Variants in KDM4B observed in about 807,000 individuals in gnomAD.
KDM4B encodes the protein lysine-specific demethylase 4B.
Under a neutral mutation model 125.2 loss-of-function variants are expected in KDM4B, and 32 were observed. That is an observed-to-expected ratio of 0.26 (90% CI 0.19 to 0.34). The LOEUF (loss-of-function observed/expected upper bound fraction) is 0.34. KDM4B is among the 10% of genes least tolerant of loss of function. KDM4B has a pLI of 1.00. For synonymous variants in KDM4B, 721 were observed against 677.9 expected (o/e 1.06, Z -0.99); for missense variants, 1,190 against 1,577.7 (o/e 0.75, Z 4.16).
At chr19:5,110,841 C>T (rs776685929) in intron 10 of KDM4B, 23 bp downstream of exon 10, 36 of 1,528,630 alleles carry the variant, frequency 2.4e-5, no homozygotes, top group Admixed American at 8.0e-5. Context: ...GGGACTGCCG[C>T]GTGACTGCCC....
At chr19:5,067,585 G>T (rs2145806606) in intron 6 of KDM4B, among the ~76,000 whole-genome samples, 1 of 151,814 alleles carries the variant, frequency 6.6e-6, no homozygotes, top group East Asian at 1.9e-4. Context: ...AGAGGACAGA[G>T]AGCTGGTGTG....
intron 2 of KDM4B, among the ~76,000 whole-genome samples, chr19:5,027,105 G>T (rs2036303758): frequency 6.6e-6 from 1 of 152,256 alleles, no homozygotes; most frequent in Non-Finnish European, 1.5e-5. Flanking sequence ...CTCCAAGGAA[G>T]GGTGGGCCTG....
At position 5,035,225 on chromosome 19, in the gene KDM4B, C is replaced by T. The variant is rs1015157902; in HGVS notation, c.141+2194C>T. ...GTGCACATAGGGCAGGTGGGACAGG[C>T]GTCGCCTCCCTTTATCCTGGCACCG... On this transcript the variant is annotated intron_variant, in intron 3 of 22. Coordinates refer to ENST00000159111, the MANE Select transcript of KDM4B (RefSeq NM_015015.3). The surrounding 1 kb of genome is among the most constrained non-coding windows in gnomAD (Gnocchi z 5.3). 1.3e-5 allele frequency among the ~76,000 whole-genome samples: 2 copies of T among 152,118 alleles called. No individual in the cohort carries two copies. The highest frequency in any genetic ancestry group is 1.5e-5 in the Non-Finnish European group (1 of 68,020).
At chr19:5,110,977 C>T (rs761195250) in intron 10 of KDM4B, among the ~76,000 whole-genome samples, 159 bp downstream of exon 10, 1 of 152,358 alleles carries the variant, frequency 6.6e-6, no homozygotes, top group East Asian at 1.9e-4. Flanking sequence ...CCTCCTCCTC[C>T]TGTTCTGTTT....
At chr19:5,056,924 A>C (rs2037418144) in intron 6 of KDM4B, among the ~76,000 whole-genome samples, 1 of 151,484 alleles carries the variant, frequency 6.6e-6, no homozygotes. Context: ...TGGGGTGTCT[A>C]GAGCCCTGCC....
Position 5,132,867 on chromosome 19 carries a change from C to T in KDM4B, c.1906+860C>T, listed in dbSNP as rs554082377. The stretch of plus-strand genomic sequence containing the variant: ...GTTCTCATCCCCAGGGCCTCGGGGC[C>T]GCTTAGGGCCTTCCCTGGGCTCCGC... On this transcript the variant is annotated intron_variant, in intron 13 of 22. Coordinates refer to ENST00000159111, the MANE Select transcript of KDM4B (RefSeq NM_015015.3). Among the ~76,000 whole-genome samples the T allele has an allele frequency of 3.3e-5, 5 of 152,316 alleles. No homozygotes were observed. The South Asian group carries it at 6.2e-4, about 19-fold the overall frequency.
intron 2 of KDM4B, among the ~76,000 whole-genome samples, chr19:5,029,533 A>G (rs2036385280): frequency 6.6e-6 from 1 of 152,232 alleles, no homozygotes. Context: ...TGTCATTTCC[A>G]AAGGCACAAA....
intron 7 of KDM4B, among the ~76,000 whole-genome samples, chr19:5,073,690 C>T (rs556770200): frequency 6.6e-6 from 1 of 152,340 alleles, no homozygotes; most frequent in East Asian, 1.9e-4. Context: ...ACCAGTTCTA[C>T]CCTGAGGCCA....
In KDM4B at chr19:5,002,156, T is replaced by C. The variant is rs140653729; in HGVS notation, c.-108-14101T>C. On this transcript the variant is annotated intron_variant, in intron 1 of 22. Coordinates refer to ENST00000159111, the MANE Select transcript of KDM4B (RefSeq NM_015015.3). ...GGGATTACAGGCGTGTGCCACCATG[T>C]CCAGCTAATTTTTATATTTTTAGTA... 7.3e-3 allele frequency among the ~76,000 whole-genome samples: 1,107 copies of C among 152,104 alleles called. 12 individuals are homozygous for C. The highest frequency in any genetic ancestry group is 0.026 in the African/African-American group (1,062 of 41,492).
rs901913388 is a variant in KDM4B at position 5,090,891 on chromosome 19, G to A, written c.918+8387G>A. On this transcript the variant is annotated intron_variant, in intron 9 of 22. Coordinates refer to ENST00000159111, the MANE Select transcript of KDM4B (RefSeq NM_015015.3). ...AGGTGTCTCCTGGGCCAGTGGCTTCGTGTCCTGGGCACGTGTCCTGTGCAC... is the reference window on the plus strand; with the variant it reads ...AGGTGTCTCCTGGGCCAGTGGCTTCATGTCCTGGGCACGTGTCCTGTGCAC... 1.1e-4 allele frequency among the ~76,000 whole-genome samples: 16 copies of A among 151,858 alleles called. No homozygotes were observed. In the East Asian group the frequency reaches 1.6e-3, roughly 15 times the overall value.
intron 1 of KDM4B, among the ~76,000 whole-genome samples, chr19:5,014,725 C>G (rs921984374): frequency 6.6e-6 from 1 of 151,970 alleles, no homozygotes; most frequent in Non-Finnish European, 1.5e-5. Flanking sequence ...TTTAAAAGTC[C>G]TGGTGAATTG....
chr19:4,974,865 C>T (rs576184644), intron 1 of KDM4B, among the ~76,000 whole-genome samples: 42 of 152,068 alleles, frequency 2.8e-4, no homozygotes, highest in Middle Eastern at 3.4e-3. Context: ...TGGGCCCTTT[C>T]GCGTGGCCCC....
intron 9 of KDM4B, among the ~76,000 whole-genome samples, chr19:5,102,012 C>T (rs1185516236): frequency 6.6e-6 from 1 of 152,168 alleles, no homozygotes; most frequent in African/African-American, 2.4e-5. Flanking sequence ...CGCCAGGGTG[C>T]CAGGAGGGGT....
At chr19:5,121,358 G>A (rs745756736) in intron 11 of KDM4B, among the ~76,000 whole-genome samples, 2 of 152,198 alleles carry the variant, frequency 1.3e-5, no homozygotes, top group Non-Finnish European at 2.9e-5. Flanking sequence ...GAGGCAAGAC[G>A]AGGACAGAAA....
chr19:5,014,907 A>C (rs2035843996), intron 1 of KDM4B, among the ~76,000 whole-genome samples: 6 of 151,268 alleles, frequency 4.0e-5, no homozygotes. Flanking sequence ...AGGCAGGAGA[A>C]TTGCTTGAAC....
At chr19:5,054,956 G>T (rs1005031513) in intron 6 of KDM4B, among the ~76,000 whole-genome samples, 9 of 152,226 alleles carry the variant, frequency 5.9e-5, no homozygotes, top group African/African-American at 2.2e-4. Flanking sequence ...TGGCTTTGGC[G>T]TTCAAAAAAT....
chr19:5,047,965 G>T (rs1259819753), intron 6 of KDM4B, among the ~76,000 whole-genome samples: 2 of 152,222 alleles, frequency 1.3e-5, no homozygotes, highest in Non-Finnish European at 2.9e-5. Context: ...CAGGAGCGTG[G>T]TCTTGAGCCT....
chr19:5,119,904 G>A (rs35375945), intron 11 of KDM4B, 52 bp downstream of exon 11: 352,754 of 1,533,056 alleles, frequency 0.23, 42,276 homozygotes, highest in Middle Eastern at 0.29. Context: ...ACCCCCGTGG[G>A]CATCTCCTAG....
At chr19:5,143,945 C>G in intron 18 of KDM4B, 22 bp from the exon 19 acceptor site, 4 of 1,562,022 alleles carry the variant, frequency 2.6e-6, no homozygotes, top group Non-Finnish European at 3.5e-6. Context: ...CCCCATGCCC[C>G]TGCCTGTGTC....
Sources: allele counts gnomAD v4.1 joint callset (sites outside exome capture counted in the v4.1 genomes callset), GRCh38; gene constraint gnomAD v4.1.1; non-coding constraint Gnocchi (gnomAD v3.1); transcripts MANE v1.5; gene names NCBI Gene and HGNC (gene_info 2026-07-23, HGNC 2026-07-21).